The following MAML3 variants were observed in gnomAD, a reference collection of about 807,000 sequenced individuals.
The protein encoded by MAML3 is mastermind like transcriptional coactivator 3.
A neutral mutation model predicts 101.9 loss-of-function variants in MAML3; 27 were observed. The ratio of observed to expected loss-of-function variants is 0.27; its 90% CI spans 0.20 to 0.37. The LOEUF (loss-of-function observed/expected upper bound fraction) is 0.37, where lower values mean the gene tolerates loss of function less well. Ranked by LOEUF, MAML3 falls within the 10% of genes least tolerant of loss-of-function variation. MAML3 has a pLI of 1.00. For synonymous variants in MAML3, 501 were observed against 555.9 expected (o/e 0.90, Z 1.39); for missense variants, 1,316 against 1,444.9 (o/e 0.91, Z 1.45).
intron 1 of MAML3, among the ~76,000 whole-genome samples, chr4:139,992,292 T>A (rs186987256): frequency 9.9e-5 from 15 of 152,226 alleles, no homozygotes; most frequent in African/African-American, 3.4e-4. Flanking sequence ...GATTCTGTTA[T>A]GAACATTTGT....
intron 1 of MAML3, among the ~76,000 whole-genome samples, chr4:140,033,938 T>C (rs888201066): frequency 6.6e-6 from 1 of 152,202 alleles, no homozygotes; most frequent in African/African-American, 2.4e-5. Context: ...GGAACTACAA[T>C]GGCCTGAACA....
chr4:139,726,623 A>G (rs1728482353), intron 3 of MAML3, among the ~76,000 whole-genome samples: 1 of 150,462 alleles, frequency 6.6e-6, no homozygotes, highest in African/African-American at 2.4e-5. Flanking sequence ...CAGGAGTTAT[A>G]CAAAAAAGGC....
At chr4:139,830,234 G>C (rs1368170403) in intron 2 of MAML3, among the ~76,000 whole-genome samples, 82 of 151,834 alleles carry the variant, frequency 5.4e-4, no homozygotes, top group Non-Finnish European at 4.4e-5. Context: ...CTTGGCAAGA[G>C]GTTAAGTGGA....
At chr4:140,108,617 C>T (rs1728391759) in intron 1 of MAML3, among the ~76,000 whole-genome samples, 1 of 149,742 alleles carries the variant, frequency 6.7e-6, no homozygotes, top group Non-Finnish European at 1.5e-5. Context: ...TTAGATTCTA[C>T]TTCCTTCTGA....
chr4:139,780,919 G>T (rs188191130), intron 2 of MAML3, among the ~76,000 whole-genome samples: 87 of 152,242 alleles, frequency 5.7e-4, no homozygotes, highest in Non-Finnish European at 1.2e-3. Context: ...GTGAGCCACT[G>T]CACCTGACAA....
chr4:140,011,237 T>TATATATATATATATATATAC (rs1304590168), intron 1 of MAML3, among the ~76,000 whole-genome samples: 1 of 143,306 alleles, frequency 7.0e-6, no homozygotes, highest in East Asian at 2.0e-4. Flanking sequence ...AGTGTGCATA[T>TATATATATATATATATATAC]ATATATATAT....
At chr4:139,959,328 G>C (rs963947037) in intron 1 of MAML3, among the ~76,000 whole-genome samples, 1 of 152,120 alleles carries the variant, frequency 6.6e-6, no homozygotes, top group African/African-American at 2.4e-5. Flanking sequence ...TTTCCTAACC[G>C]TCTTGATTCT....
rs202229376 is a variant in MAML3 at position 139,719,414 on chromosome 4, G to C, written c.3326C>G (p.Pro1109Arg). 2.2e-5 allele frequency: 36 copies of C among 1,613,968 alleles called. No homozygotes were observed. The South Asian group carries it at 2.4e-4, about 11-fold the overall frequency. Residue 1109 changes from proline (P) to arginine (R), a missense_variant, in exon 5 of 5, where the codon CCG (proline) becomes CGG (arginine). Pro to Arg is a moderately radical substitution (Grantham distance 103). Transcript: ENST00000509479. ...DGAGGSFPGLPDGADLVDSII... is the reference protein window; with the variant it reads ...DGAGGSFPGLRDGADLVDSII... ...GGAGTCCACAAGGTCTGCACCGTCC[G>C]GGAGGCCAGGGAAGGAACCCCCAGC...
rs1322528572 is a variant in MAML3, at chr4:139,889,443, C to G, written c.1993G>C (p.Glu665Gln). The change falls in exon 2 of 5, where the codon GAA becomes CAA. Residue 665 changes from glutamate (E) to glutamine (Q), a missense_variant. Glu to Gln is a conservative substitution (Grantham distance 29). Transcript: ENST00000509479. The stretch of plus-strand genomic sequence containing the variant: ...ATGAGAAGCAGGCGTTTCTGGTCTT[C>G]GCTCAGGTGTGCCCTGGGGGCCTGG... Reference protein sequence around the residue: ...QLQAPRAHLSEDQKRLLLMKQ... With the variant: ...QLQAPRAHLSQDQKRLLLMKQ... 1.2e-6 allele frequency: 2 copies of G among 1,613,964 alleles called. No homozygotes were observed. Among genetic ancestry groups the G allele is most frequent in the South Asian group, 2.2e-5 (2 of 91,084 alleles).
intron 1 of MAML3, among the ~76,000 whole-genome samples, chr4:140,105,438 C>T (rs1000949032): frequency 6.6e-6 from 1 of 152,128 alleles, no homozygotes; most frequent in African/African-American, 2.4e-5. Context: ...TAGAGCTAAA[C>T]TAAGCCCAGG....
At chr4:139,834,220 C>T (rs767267490) in intron 2 of MAML3, among the ~76,000 whole-genome samples, 1 of 152,240 alleles carries the variant, frequency 6.6e-6, no homozygotes, top group East Asian at 1.9e-4. Flanking sequence ...GACTCACACA[C>T]TTCTGTTGGA....
chr4:139,890,091 C>T lies in MAML3; in HGVS notation c.1345G>A (p.Gly449Ser), dbSNP rs759838148. The change falls in exon 2 of 5, where the codon GGT (glycine) becomes AGT (serine). Residue 449 changes from glycine (G) to serine (S), a missense_variant. Gly to Ser is a moderately conservative substitution (Grantham distance 56). Transcript: ENST00000509479. This position sits in a 1 kb window ranked among gnomAD's most constrained non-coding sequence, Gnocchi z 4.1. ...LLNPAAVTVA[G>S]SASGPVAVPS... ...ACAGCCACAGGCCCTGACGCTGAAC[C>T]GGCCACTGTCACTGCTGCCGGATTC... 24 of 1,613,146 alleles carry T rather than the reference C, an allele frequency of 1.5e-5. No homozygotes were observed. Among genetic ancestry groups the T allele is most frequent in the Admixed American group, 3.3e-5 (2 of 59,834 alleles).
intron 1 of MAML3, among the ~76,000 whole-genome samples, chr4:140,084,370 C>G (rs1011438262): frequency 3.3e-5 from 5 of 152,158 alleles, no homozygotes; most frequent in African/African-American, 1.2e-4. Context: ...TTTGTTGCCA[C>G]GTGCACAACC....
intron 2 of MAML3, among the ~76,000 whole-genome samples, chr4:139,799,851 G>T (rs1730573555): frequency 6.6e-6 from 1 of 152,090 alleles, no homozygotes; most frequent in Admixed American, 6.6e-5. Context: ...TGGAGGAGGG[G>T]CTCTCAGTAA....
At chr4:139,863,183 C>T (rs939928465) in intron 2 of MAML3, among the ~76,000 whole-genome samples, 1 of 150,226 alleles carries the variant, frequency 6.7e-6, no homozygotes, top group Admixed American at 6.7e-5. Flanking sequence ...GTAGTACCTT[C>T]ATTACAGGGT....
intron 1 of MAML3, among the ~76,000 whole-genome samples, chr4:139,971,564 C>T (rs934270156): frequency 5.3e-5 from 8 of 152,160 alleles, no homozygotes; most frequent in Non-Finnish European, 1.0e-4. Context: ...ATCTCCTCAA[C>T]CCCTAATGAC....
intron 1 of MAML3, among the ~76,000 whole-genome samples, chr4:139,952,436 G>A (rs191093934): frequency 2.2e-4 from 33 of 152,198 alleles, no homozygotes; most frequent in Middle Eastern, 3.4e-3. Flanking sequence ...GGCCTCCTGC[G>A]TAAAATAGTG....
intron 2 of MAML3, among the ~76,000 whole-genome samples, chr4:139,859,877 G>C (rs986165787): frequency 6.6e-6 from 1 of 152,174 alleles, no homozygotes; most frequent in African/African-American, 2.4e-5. Flanking sequence ...TTTTAAACGT[G>C]TAAAGATTTT....
intron 1 of MAML3, among the ~76,000 whole-genome samples, chr4:140,008,600 T>C (rs1268854183): frequency 6.6e-6 from 1 of 151,422 alleles, no homozygotes; most frequent in African/African-American, 2.4e-5. Flanking sequence ...CTCTTTTTTT[T>C]CTCTCACAAG....
Sources: allele counts gnomAD v4.1 joint callset (sites outside exome capture counted in the v4.1 genomes callset), GRCh38; gene constraint gnomAD v4.1.1; non-coding constraint Gnocchi (gnomAD v3.1); transcripts MANE v1.5; gene names NCBI Gene and HGNC (gene_info 2026-07-23, HGNC 2026-07-21).